Variants in PTPRD observed in about 807,000 individuals in gnomAD.
PTPRD encodes the protein protein tyrosine phosphatase receptor type D.
Under a neutral mutation model 214.5 loss-of-function variants are expected in PTPRD, and 34 were observed. The ratio of observed to expected loss-of-function variants is 0.16; its 90% CI spans 0.12 to 0.21. The LOEUF is 0.21. PTPRD is among the 10% of genes least tolerant of loss of function. PTPRD has a pLI of 1.00. For missense variants in PTPRD, 2,545 were observed against 2,398.7 expected (o/e 1.06, Z -1.27); for synonymous variants, 1,128 against 845.7 (o/e 1.33, Z -5.79).
intron 7 of PTPRD, among the ~76,000 whole-genome samples, chr9:9,605,833 T>C (rs970847168): frequency 6.6e-5 from 10 of 152,058 alleles, no homozygotes; most frequent in Non-Finnish European, 1.3e-4. Flanking sequence ...TAAGAATGAT[T>C]TGCATTACAC....
intron 6 of PTPRD, among the ~76,000 whole-genome samples, chr9:9,747,703 C>G (rs757665664): frequency 1.3e-5 from 2 of 151,990 alleles, no homozygotes; most frequent in Non-Finnish European, 2.9e-5. Flanking sequence ...CCCACCACCA[C>G]ACCTGGCTAA....
rs2138605113 is a variant in PTPRD, at chr9:8,518,457, G to A, written c.962-28C>T. The stretch of plus-strand genomic sequence containing the variant: ...TGGATGGGGGAAGATAAAAGACAAT[G>A]ACTACCCATCATCCCTATAATATTT... On this transcript the variant is annotated intron_variant, in intron 20 of 45. Coordinates refer to ENST00000381196, the MANE Select transcript of PTPRD (RefSeq NM_002839.4). The A allele has an allele frequency of 3.4e-6, 5 of 1,465,884 alleles. 1 individual carries two copies. The African/African-American group carries it at 7.1e-5, about 21-fold the overall frequency. 90.8% of individuals were successfully genotyped at this position (1,465,884 alleles called of 1,614,324 possible).
intron 14 of PTPRD, among the ~76,000 whole-genome samples, chr9:8,572,711 G>C (rs191598590): frequency 8.6e-5 from 13 of 151,982 alleles, no homozygotes; most frequent in Non-Finnish European, 1.2e-4. Context: ...CTAGCAGGAA[G>C]TCTAGTGTTA....
At chr9:8,713,202 G>A in intron 12 of PTPRD, 1 of 575,640 alleles carries the variant, frequency 1.7e-6, no homozygotes, top group South Asian at 2.2e-5. Flanking sequence ...TCAAACATTT[G>A]ATCTGAAATT....
At chr9:8,991,884 G>C (rs1426555622) in intron 11 of PTPRD, among the ~76,000 whole-genome samples, 1 of 152,024 alleles carries the variant, frequency 6.6e-6, no homozygotes, top group Non-Finnish European at 1.5e-5. Context: ...TACTTCTAAA[G>C]AAATGGCAAT....
rs533537971 is a variant in PTPRD at position 9,785,355 on chromosome 9, A to C, written c.-367-18504T>G. On this transcript the variant is annotated intron_variant, in intron 5 of 45. Transcript: ENST00000381196. ...ATTAGCTATGAAGGGAAAAACACTA[A>C]ATTTATGGTGGAAAAACCTAGTACA... 2.6e-5 allele frequency among the ~76,000 whole-genome samples: 4 copies of C among 152,132 alleles called. No homozygotes were observed. In the South Asian group the frequency reaches 8.3e-4, roughly 32 times the overall value.
chr9:10,510,109 G>C lies in PTPRD; in HGVS notation c.-600+102289C>G, dbSNP rs112095529. On this transcript the variant is annotated intron_variant, in intron 2 of 45. Coordinates refer to ENST00000381196, the MANE Select transcript of PTPRD (RefSeq NM_002839.4). Reference sequence around the variant, plus strand: ...CTTTAAGGATCAAAATTATCAACTAGAGTACAGTGTTTGGGAACTGTTTCT... The same window carrying C: ...CTTTAAGGATCAAAATTATCAACTACAGTACAGTGTTTGGGAACTGTTTCT... Among the ~76,000 whole-genome samples, 515 of 152,130 alleles carry C rather than the reference G, an allele frequency of 3.4e-3. 2 individuals are homozygous for C. The highest frequency in any genetic ancestry group is 0.012 in the African/African-American group (502 of 41,528).
rs1236309415 is a variant in PTPRD, at chr9:8,613,777, C to A, written c.352+19540G>T. On this transcript the variant is annotated intron_variant, in intron 14 of 45. Transcript: ENST00000381196. ...TCTACATGACAGTCCACAGAGGCAA[C>A]CACCAGTTTCATAACTGGTTTAGTT... Among the ~76,000 whole-genome samples the A allele has an allele frequency of 2.0e-5, 3 of 152,266 alleles. No individual in the cohort carries two copies. In the East Asian group the frequency reaches 5.8e-4, roughly 29 times the overall value.
intron 5 of PTPRD, among the ~76,000 whole-genome samples, chr9:9,778,850 G>GA (rs1467254811): frequency 4.6e-5 from 7 of 151,368 alleles, no homozygotes; most frequent in African/African-American, 1.7e-4. Flanking sequence ...CACAAAATTA[G>GA]AAAAAAATTT....
intron 2 of PTPRD, among the ~76,000 whole-genome samples, chr9:10,563,425 T>C (rs892267600): frequency 2.6e-5 from 4 of 152,202 alleles, no homozygotes; most frequent in African/African-American, 9.6e-5. Flanking sequence ...CACAGATGTG[T>C]ACCCCAACAG....
At chr9:9,367,500 A>C (rs1007113211) in intron 9 of PTPRD, among the ~76,000 whole-genome samples, 2 of 151,672 alleles carry the variant, frequency 1.3e-5, no homozygotes, top group African/African-American at 4.8e-5. Flanking sequence ...TGAAATACAT[A>C]AATTTGATAA....
chr9:8,936,503 A>AAAG (rs35126979), intron 11 of PTPRD, among the ~76,000 whole-genome samples: 38,774 of 149,078 alleles, frequency 0.26, 5,739 homozygotes, highest in Middle Eastern at 0.34. Context: ...CCTTATTGTG[A>AAAG]AAGACAAGCG....
rs547314878 is a variant in PTPRD, at chr9:9,139,169, C to A, written c.-143+44135G>T. 6.7e-5 allele frequency among the ~76,000 whole-genome samples: 10 copies of A among 149,942 alleles called. No individual in the cohort carries two copies. In the South Asian group the frequency reaches 1.9e-3, roughly 29 times the overall value. ...CCTAGTGAATACCTGGAACTGCAGA[C>A]AATTCTGAACCCTATATTTACTATG... is the stretch of plus-strand genomic sequence containing the variant. On this transcript the variant is annotated intron_variant, in intron 10 of 45. Transcript: ENST00000381196.
At chr9:10,378,781 ATAG>A (rs984652901) in intron 2 of PTPRD, among the ~76,000 whole-genome samples, 1 of 152,036 alleles carries the variant, frequency 6.6e-6, no homozygotes, top group Non-Finnish European at 1.5e-5. Flanking sequence ...TTTGCATAGA[ATAG>A]TTTTGGCTAT....
intron 3 of PTPRD, among the ~76,000 whole-genome samples, chr9:10,042,719 T>C (rs563476780): frequency 6.6e-6 from 1 of 151,982 alleles, no homozygotes; most frequent in South Asian, 2.1e-4. Flanking sequence ...GAAGGCTACA[T>C]TGGTAGGTGT....
rs1451396609 is a variant in PTPRD, at chr9:8,340,367, G to A, written c.5229C>T (p.Leu1743=). Residue 1743 remains leucine, a synonymous_variant, in exon 42 of 46, where the codon CTC becomes CTT. Coordinates refer to ENST00000381196, the MANE Select transcript of PTPRD (RefSeq NM_002839.4). The part of the protein sequence containing the change: ...WEHNSTIVVM[L]TKLREMGREK... ...CTCTGCCCATTTCACGCAGCTTGGT[G>A]AGCATCACAACTATGGTGGAATTGT... The A allele has an allele frequency of 8.1e-6, 13 of 1,610,082 alleles. No homozygotes were observed. Among genetic ancestry groups the A allele is most frequent in the African/African-American group, 1.3e-5 (1 of 74,968 alleles).
chr9:9,479,264 A>C lies in PTPRD; in HGVS notation c.-236-81782T>G, dbSNP rs1295264657. Among the ~76,000 whole-genome samples the C allele has an allele frequency of 2.3e-5, 3 of 129,792 alleles. No homozygotes were observed. The East Asian group carries it at 7.3e-4, about 32-fold the overall frequency. 85.1% of individuals were successfully genotyped at this position (129,792 alleles called of 152,430 possible). On this transcript the variant is annotated intron_variant, in intron 8 of 45. Coordinates refer to ENST00000381196, the MANE Select transcript of PTPRD (RefSeq NM_002839.4). Reference sequence around the variant, plus strand: ...CCCACCTCTAGCATTTGGAATTATAAAACATTTCTAGTGTGTTTCATCTCC... The same window carrying C: ...CCCACCTCTAGCATTTGGAATTATACAACATTTCTAGTGTGTTTCATCTCC...
intron 8 of PTPRD, among the ~76,000 whole-genome samples, chr9:9,411,782 T>C (rs1483189120): frequency 1.3e-5 from 2 of 152,148 alleles, no homozygotes; most frequent in Non-Finnish European, 2.9e-5. Context: ...ACACAGAGAA[T>C]TTCAGCACTA....
intron 3 of PTPRD, among the ~76,000 whole-genome samples, chr9:10,192,284 T>C (rs574634991): frequency 2.0e-5 from 3 of 152,116 alleles, no homozygotes; most frequent in South Asian, 2.1e-4. Context: ...TGAGATGTTA[T>C]GTAAAAACTC....
Sources: gnomAD v4.1 joint callset for allele counts (sites outside exome capture counted in the v4.1 genomes callset) on GRCh38, gnomAD v4.1.1 for gene constraint, MANE v1.5 for transcripts, NCBI Gene and HGNC (gene_info 2026-07-23, HGNC 2026-07-21) for gene names.